PCDH11X: variants seen among roughly 807,000 people sequenced by gnomAD.
The protein encoded by PCDH11X is protocadherin 11 X-linked, also known as protocadherin-11 X-linked.
In PCDH11X, 18 loss-of-function variants were observed where a neutral mutation model predicts 53.3. The ratio of observed to expected loss-of-function variants is 0.34; its 90% CI spans 0.23 to 0.50. The LOEUF is 0.50. Among genes scored for constraint, PCDH11X ranks in the 20% least tolerant of loss-of-function variants. PCDH11X has a pLI of 0.98. For synonymous variants in PCDH11X, 279 were observed against 393.3 expected (o/e 0.71, Z 3.44); for missense variants, 570 against 1,032.4 (o/e 0.55, Z 6.14).
At chrX:91,886,970 C>CAAAAAAAAAAAA (rs1179014012) in intron 6 of PCDH11X, among the ~76,000 whole-genome samples, 1 of 50,714 alleles carries the variant, frequency 2.0e-5, no homozygotes, top group African/African-American at 1.0e-4. Flanking sequence ...GACTCCATCT[C>CAAAAAAAAAAAA]AAAAAAAAAA....
chrX:91,807,239 G>A (rs999296694), intron 1 of PCDH11X, among the ~76,000 whole-genome samples: 6 of 109,462 alleles, frequency 5.5e-5, no homozygotes, highest in African/African-American at 2.0e-4. Context: ...GTCCTAGTTG[G>A]GAGGCTGAGG....
chrX:92,303,121 A>G (rs2068756222), intron 8 of PCDH11X, among the ~76,000 whole-genome samples: 1 of 109,638 alleles, frequency 9.1e-6, no homozygotes, highest in Non-Finnish European at 1.9e-5. Context: ...GAGGTATGAG[A>G]GCATTTGAAC....
intron 8 of PCDH11X, among the ~76,000 whole-genome samples, chrX:92,357,243 G>T (rs1000445849): frequency 8.1e-5 from 9 of 111,275 alleles, no homozygotes; most frequent in African/African-American, 2.9e-4. Context: ...GATGAATGTG[G>T]TCACCACAAT....
chrX:92,218,226 T>A (rs1473571396), intron 7 of PCDH11X, among the ~76,000 whole-genome samples: 6 of 109,421 alleles, frequency 5.5e-5, no homozygotes, highest in African/African-American at 1.3e-4. Flanking sequence ...TAGAGACACA[T>A]AAAACCCTTC....
chrX:91,988,902 T>C (rs1237228481), intron 6 of PCDH11X, among the ~76,000 whole-genome samples: 1 of 111,628 alleles, frequency 9.0e-6, no homozygotes, highest in Non-Finnish European at 1.9e-5. Context: ...CTTCCAAGAA[T>C]TCACTTCTTG....
chrX:91,818,726 A>T (rs1936535594), intron 4 of PCDH11X, among the ~76,000 whole-genome samples: 1 of 109,467 alleles, frequency 9.1e-6, no homozygotes, highest in Admixed American at 9.9e-5. Context: ...ATTGGTATGG[A>T]AGGCAATGAA....
chrX:92,068,222 C>G (rs141100483), intron 6 of PCDH11X, among the ~76,000 whole-genome samples: 8,288 of 106,854 alleles, frequency 0.078, 448 homozygotes, highest in East Asian at 0.45. Flanking sequence ...TCTTGCTTTT[C>G]TAGTTCTCTA....
chrX:92,131,484 A>T (rs1459267718), intron 6 of PCDH11X, among the ~76,000 whole-genome samples: 1 of 111,566 alleles, frequency 9.0e-6, no homozygotes, highest in Non-Finnish European at 1.9e-5. Flanking sequence ...CAATAAGGAG[A>T]TGCAGATGAA....
At chrX:92,464,631 A>G (rs956547251) in intron 9 of PCDH11X, among the ~76,000 whole-genome samples, 4 of 110,981 alleles carry the variant, frequency 3.6e-5, no homozygotes, top group African/African-American at 1.3e-4. Context: ...CCTTAACCTT[A>G]CACACAATTT....
At chrX:92,033,360 T>C (rs1182839088) in intron 6 of PCDH11X, among the ~76,000 whole-genome samples, 55 of 97,852 alleles carry the variant, frequency 5.6e-4, no homozygotes, top group African/African-American at 2.0e-3. Context: ...GTGAAGCCAT[T>C]GGGTCCCAGG....
chrX:92,583,147 T>G (rs1333086198), intron 10 of PCDH11X, among the ~76,000 whole-genome samples: 1 of 98,021 alleles, frequency 1.0e-5, no homozygotes. Context: ...TCGCCCAGGC[T>G]GGAGTGCAGT....
intron 6 of PCDH11X, among the ~76,000 whole-genome samples, chrX:91,888,827 C>T (rs762763021): frequency 1.1e-4 from 12 of 110,281 alleles, no homozygotes; most frequent in African/African-American, 3.9e-4. Context: ...AAATATTGAA[C>T]TCTAAAGAAA....
At chrX:91,822,620 A>T (rs1381520459) in intron 4 of PCDH11X, among the ~76,000 whole-genome samples, 8 of 100,375 alleles carry the variant, frequency 8.0e-5, no homozygotes, top group African/African-American at 2.5e-4. Context: ...CTTTCAAAAA[A>T]CCAGCTCCTG....
intron 7 of PCDH11X, among the ~76,000 whole-genome samples, chrX:92,253,769 T>A (rs748064455): frequency 8.9e-6 from 1 of 112,331 alleles, no homozygotes; most frequent in Non-Finnish European, 1.9e-5. Context: ...GAAATGCTAC[T>A]GATTTTTGTA....
At chrX:92,170,723 G>A (rs1428638918) in intron 6 of PCDH11X, among the ~76,000 whole-genome samples, 2 of 107,808 alleles carry the variant, frequency 1.9e-5, no homozygotes, top group Non-Finnish European at 3.8e-5. Flanking sequence ...TCAGCCTTCT[G>A]AGCAGCTAGG....
intron 6 of PCDH11X, among the ~76,000 whole-genome samples, chrX:92,175,300 G>T (rs898680755): frequency 9.0e-6 from 1 of 111,567 alleles, no homozygotes; most frequent in Non-Finnish European, 1.9e-5. Context: ...CTTTTAAACT[G>T]TCAGTTAATC....
At chrX:91,974,201 A>G (rs1297561433) in intron 6 of PCDH11X, among the ~76,000 whole-genome samples, 1 of 111,259 alleles carries the variant, frequency 9.0e-6, no homozygotes, top group Non-Finnish European at 1.9e-5. Flanking sequence ...TCTCACCATT[A>G]TCTATACATG....
intron 8 of PCDH11X, among the ~76,000 whole-genome samples, chrX:92,377,295 G>A (rs1363681093): frequency 1.8e-5 from 2 of 110,674 alleles, no homozygotes; most frequent in African/African-American, 6.6e-5. Context: ...ACTTATTTGG[G>A]AATATTTTAT....
intron 6 of PCDH11X, among the ~76,000 whole-genome samples, chrX:91,977,531 A>T (rs2062062871): frequency 8.9e-6 from 1 of 111,752 alleles, no homozygotes; most frequent in Non-Finnish European, 1.9e-5. Flanking sequence ...CTCCTTAGCT[A>T]TGAGTGAACT....
Sources: gnomAD v4.1 joint callset for allele counts (sites outside exome capture counted in the v4.1 genomes callset) on GRCh38, gnomAD v4.1.1 for gene constraint, MANE v1.5 for transcripts, NCBI Gene and HGNC (gene_info 2026-07-23, HGNC 2026-07-21) for gene names.